The following CDH4 variants were observed in gnomAD, a reference collection of about 807,000 sequenced individuals.
CDH4 encodes cadherin 4.
Under a neutral mutation model 86.0 loss-of-function variants are expected in CDH4, and 33 were observed. That is an observed-to-expected ratio of 0.38 (90% confidence interval 0.29 to 0.51). The LOEUF is 0.51. Among genes scored for constraint, CDH4 ranks in the 20% least tolerant of loss-of-function variants. The pLI is 0.86. For missense variants in CDH4, 1,114 were observed against 1,307.4 expected (o/e 0.85, Z 2.28); for synonymous variants, 555 against 549.4 (o/e 1.01, Z -0.14).
chr20:61,934,345 C>A, intron 15 of CDH4, 125 bp downstream of exon 15: 2 of 1,066,978 alleles, frequency 1.9e-6, no homozygotes, highest in Non-Finnish European at 1.3e-6. Flanking sequence ...GCAGCTCAGA[C>A]CCGGGTTCCA....
chr20:61,396,504 A>G (rs1405056727), intron 2 of CDH4, among the ~76,000 whole-genome samples: 3 of 152,234 alleles, frequency 2.0e-5, no homozygotes, highest in Non-Finnish European at 2.9e-5. Flanking sequence ...GCCCCCTCAC[A>G]GCACAGGTTC....
At chr20:61,305,572 G>A (rs984148234) in intron 2 of CDH4, among the ~76,000 whole-genome samples, 3 of 152,190 alleles carry the variant, frequency 2.0e-5, no homozygotes, top group Admixed American at 6.5e-5. Context: ...AAACTCCCTT[G>A]ATTCTTTTCA....
chr20:61,859,688 G>T (rs1224833676), intron 6 of CDH4, among the ~76,000 whole-genome samples: 1 of 152,244 alleles, frequency 6.6e-6, no homozygotes, highest in Non-Finnish European at 1.5e-5. Context: ...TGACATCTTT[G>T]CAGGACATCC....
In CDH4 at chr20:61,777,719, C is replaced by T. The variant is rs559940146; in HGVS notation, c.576+4537C>T. ...GCATACAAAAACACACACCCACATG[C>T]GTGCACACGTGCATACAAAAACACA... On this transcript the variant is annotated intron_variant, in intron 4 of 15. Coordinates refer to ENST00000614565, the MANE Select transcript of CDH4 (RefSeq NM_001794.5). Among the ~76,000 whole-genome samples, 90 of 146,434 alleles carry T rather than the reference C, an allele frequency of 6.1e-4. 3 individuals are homozygous for T. The highest frequency in any genetic ancestry group is 1.6e-3 in the African/African-American group (61 of 38,798).
intron 7 of CDH4, among the ~76,000 whole-genome samples, chr20:61,880,236 C>T (rs968936372): frequency 2.6e-5 from 4 of 152,162 alleles, no homozygotes; most frequent in Non-Finnish European, 4.4e-5. Flanking sequence ...GACAGCGAGC[C>T]TCTCGTAAGC....
chr20:61,547,211 T>TC (rs1347200225), intron 2 of CDH4, among the ~76,000 whole-genome samples: 7 of 88,396 alleles, frequency 7.9e-5, no homozygotes, highest in African/African-American at 3.0e-4. Flanking sequence ...TTTTTTTTTT[T>TC]TTTTTTTTTT....
At chr20:61,264,434 T>G (rs1182605658) in intron 2 of CDH4, among the ~76,000 whole-genome samples, 5 of 150,576 alleles carry the variant, frequency 3.3e-5, no homozygotes, top group Non-Finnish European at 7.4e-5. Flanking sequence ...CATACCCCAG[T>G]GGCTCCTTCA....
At chr20:61,352,471 A>G (rs1267871605) in intron 2 of CDH4, among the ~76,000 whole-genome samples, 1 of 152,226 alleles carries the variant, frequency 6.6e-6, no homozygotes, top group Non-Finnish European at 1.5e-5. Context: ...ACATTGCTTT[A>G]GAAAGGACTG....
At chr20:61,641,223 G>A (rs2087005308) in intron 2 of CDH4, among the ~76,000 whole-genome samples, 1 of 152,200 alleles carries the variant, frequency 6.6e-6, no homozygotes, top group Admixed American at 6.5e-5. Context: ...ATGTGCCAGT[G>A]ATTTGGGGGA....
intron 2 of CDH4, among the ~76,000 whole-genome samples, chr20:61,548,842 T>C (rs981664684): frequency 4.6e-5 from 7 of 152,134 alleles, no homozygotes; most frequent in Non-Finnish European, 5.9e-5. Flanking sequence ...AATTGGCAGG[T>C]GATTGGAACA....
chr20:61,520,014 A>G (rs2085857196), intron 2 of CDH4, among the ~76,000 whole-genome samples: 1 of 152,182 alleles, frequency 6.6e-6, no homozygotes, highest in Admixed American at 6.5e-5. Flanking sequence ...CCCTGCTGAC[A>G]CACAGACTTG....
intron 2 of CDH4, among the ~76,000 whole-genome samples, chr20:61,414,539 T>G (rs1188014692): frequency 2.0e-5 from 3 of 152,200 alleles, no homozygotes; most frequent in African/African-American, 7.2e-5. Context: ...AGCTGACTCC[T>G]GGCATTATCA....
chr20:61,549,227 G>C (rs1478138153), intron 2 of CDH4, among the ~76,000 whole-genome samples: 1 of 152,170 alleles, frequency 6.6e-6, no homozygotes, highest in South Asian at 2.1e-4. Context: ...ATAGCAATTG[G>C]CGTGAAATAC....
At chr20:61,882,333 C>G (rs1345253969) in intron 7 of CDH4, among the ~76,000 whole-genome samples, 2 of 152,286 alleles carry the variant, frequency 1.3e-5, no homozygotes, top group Non-Finnish European at 2.9e-5. Context: ...TCTGTGCCCT[C>G]AGCGGCACGG....
intron 2 of CDH4, among the ~76,000 whole-genome samples, chr20:61,405,185 C>T (rs930531581): frequency 1.9e-4 from 29 of 152,106 alleles, no homozygotes; most frequent in Non-Finnish European, 3.5e-4. Context: ...GACCCTGCCT[C>T]CCTCCCCGGG....
chr20:61,443,801 C>T (rs2085326353), intron 2 of CDH4, among the ~76,000 whole-genome samples: 1 of 151,236 alleles, frequency 6.6e-6, no homozygotes, highest in Non-Finnish European at 1.5e-5. Context: ...ATGTGTGTCT[C>T]TCTGTGTGGT....
intron 2 of CDH4, among the ~76,000 whole-genome samples, chr20:61,576,268 G>C (rs1174275709): frequency 6.6e-6 from 1 of 152,082 alleles, no homozygotes; most frequent in Non-Finnish European, 1.5e-5. Flanking sequence ...ATCCTTGCTG[G>C]GTCACCCACC....
chr20:61,268,903 T>C lies in CDH4; in HGVS notation c.169+13966T>C, dbSNP rs532585571. Among the ~76,000 whole-genome samples the C allele has an allele frequency of 8.3e-4, 126 of 152,202 alleles. 1 individual carries two copies. The highest frequency in any genetic ancestry group is 1.7e-3 in the Non-Finnish European group (116 of 68,036). ...AGGTGTTCCTTTATAGCAACACCAA[T>C]GGATTAAGACAATGGGATATTACCA... On this transcript the variant is annotated intron_variant, in intron 2 of 15. Transcript: ENST00000614565.
chr20:61,600,641 G>A lies in CDH4; in HGVS notation c.170-142922G>A, dbSNP rs149776645. ...CCCTCAGGGGATTCATTCCAGGCCCGCCCCCAGGGGTATTAAAATCCGAGG... is the reference window on the plus strand; with the variant it reads ...CCCTCAGGGGATTCATTCCAGGCCCACCCCCAGGGGTATTAAAATCCGAGG... On this transcript the variant is annotated intron_variant, in intron 2 of 15. Coordinates refer to ENST00000614565, the MANE Select transcript of CDH4 (RefSeq NM_001794.5). Among the ~76,000 whole-genome samples the A allele has an allele frequency of 6.8e-4, 104 of 152,242 alleles. 1 individual carries two copies. The highest frequency in any genetic ancestry group is 2.2e-3 in the African/African-American group (91 of 41,548).
Sources: allele counts gnomAD v4.1 joint callset (sites outside exome capture counted in the v4.1 genomes callset), GRCh38; gene constraint gnomAD v4.1.1; transcripts MANE v1.5; gene names NCBI Gene and HGNC (gene_info 2026-07-23, HGNC 2026-07-21).